The following CRNKL1 variants were observed in gnomAD, a reference collection of about 807,000 sequenced individuals.
CRNKL1 encodes crooked neck-like protein 1.
A neutral mutation model predicts 103.7 loss-of-function variants in CRNKL1; 35 were observed. The ratio of observed to expected loss-of-function variants is 0.34; its 90% CI spans 0.26 to 0.45. The LOEUF (loss-of-function observed/expected upper bound fraction) is 0.45, where lower values mean the gene tolerates loss of function less well. Ranked by LOEUF, CRNKL1 falls within the 20% of genes least tolerant of loss-of-function variation. CRNKL1 has a pLI of 1.00. For missense variants in CRNKL1, 645 were observed against 836.0 expected, an observed-to-expected ratio of 0.77 and a Z score of 2.82; for synonymous variants, 267 against 282.6, an observed-to-expected ratio of 0.94 and a Z score of 0.55.
At chr20:20,039,050 T>A (rs1278205992) in intron 11 of CRNKL1, among the ~76,000 whole-genome samples, 1 of 152,190 alleles carries the variant, frequency 6.6e-6, no homozygotes, top group Non-Finnish European at 1.5e-5. Context: ...AACCATTAAA[T>A]GCAGGGTCAT....
In CRNKL1 at chr20:20,034,696, C is replaced by T. The variant is rs2043391099; in HGVS notation, c.*1499G>A. ...GGCAGACCTCTACTCGAGAAGTGAT[C>T]TGACACCGCAGTAGCTGATGCTCGT... On this transcript the variant is annotated 3_prime_UTR_variant, in exon 14 of 14. Coordinates refer to ENST00000536226, the MANE Select transcript of CRNKL1 (RefSeq NM_001278628.2). 6.6e-6 allele frequency: 1 copy of T among 152,222 alleles called. No homozygotes were observed. Among genetic ancestry groups the T allele is most frequent in the Non-Finnish European group, 1.5e-5 (1 of 68,040 alleles). 9.4% of individuals were successfully genotyped at this position (152,222 alleles called of 1,614,324 possible).
intron 6 of CRNKL1, among the ~76,000 whole-genome samples, chr20:20,045,069 G>T (rs147816465): frequency 2.1e-3 from 322 of 152,164 alleles, no homozygotes; most frequent in African/African-American, 7.5e-3. Context: ...AGACTAAAAG[G>T]CTTAATTTTC....
intron 3 of CRNKL1, 57 bp downstream of exon 3, chr20:20,049,283 T>G: frequency 1.0e-6 from 1 of 982,298 alleles, no homozygotes; most frequent in Admixed American, 2.4e-5. Context: ...CTTTTCTTTT[T>G]GGTATCTGTT....
At chr20:20,041,722 A>AC in intron 8 of CRNKL1, 97 bp from the exon 9 acceptor site, 1 of 824,146 alleles carries the variant, frequency 1.2e-6, no homozygotes, top group Non-Finnish European at 2.0e-6. Flanking sequence ...AAAAATGTAC[A>AC]CCCCCAAAAC....
upstream of CRNKL1, among the ~76,000 whole-genome samples, chr20:20,054,905 A>C (rs1302182275): frequency 1.3e-5 from 2 of 152,206 alleles, no homozygotes; most frequent in Non-Finnish European, 2.9e-5. Flanking sequence ...CCATGCTAAA[A>C]GTAATTAGCC....
chr20:20,054,013 G>GTTTTTTTTTTTTTTTTTT (rs1239349657), upstream of CRNKL1, among the ~76,000 whole-genome samples: 9 of 59,088 alleles, frequency 1.5e-4, no homozygotes, highest in South Asian at 5.8e-4. Flanking sequence ...TTTTTTGTTT[G>GTTTTTTTTTTTTTTTTTT]TTTTTTTTTT....
chr20:20,037,894 C>T (rs900387184), intron 12 of CRNKL1, among the ~76,000 whole-genome samples: 2 of 152,138 alleles, frequency 1.3e-5, no homozygotes, highest in African/African-American at 4.8e-5. Flanking sequence ...CGAGACCATC[C>T]TGGCCAACAG....
At position 20,038,332 on chromosome 20, in the gene CRNKL1, C is replaced by T; in HGVS notation, c.1647+17G>A. On this transcript the variant is annotated intron_variant, in intron 12 of 13. Transcript: ENST00000536226. ...TGATTCAAGCAAAATGAAAGATCAT[C>T]TACAAAGCAAGGATACCTTGACATG... The T allele has an allele frequency of 1.4e-6, 2 of 1,481,450 alleles. No homozygotes were observed. The highest frequency in any genetic ancestry group is 1.8e-6 in the Non-Finnish European group (2 of 1,083,834). 91.8% of individuals were successfully genotyped at this position (1,481,450 alleles called of 1,614,324 possible). A position where few individuals can be genotyped will look rare whatever the true frequency, so the allele number is the denominator to read the frequency against.
At chr20:20,052,119 C>T (rs535860060) in intron 1 of CRNKL1, among the ~76,000 whole-genome samples, 173 bp downstream of exon 1, 1 of 152,226 alleles carries the variant, frequency 6.6e-6, no homozygotes, top group South Asian at 2.1e-4. Flanking sequence ...CAACGCGGGT[C>T]GTGCTCCGCG....
chr20:20,037,030 T>G (rs2043429974), intron 13 of CRNKL1, among the ~76,000 whole-genome samples: 1 of 152,184 alleles, frequency 6.6e-6, no homozygotes, highest in African/African-American at 2.4e-5. Context: ...AGTTCCATCT[T>G]CCTCCACACT....
At chr20:20,050,902 A>C (rs1463955740) in intron 1 of CRNKL1, among the ~76,000 whole-genome samples, 1 of 152,234 alleles carries the variant, frequency 6.6e-6, no homozygotes, top group East Asian at 1.9e-4. Flanking sequence ...TATAATAATA[A>C]ACTTTGAGGC....
rs999385814 is a variant in CRNKL1 at position 20,035,284 on chromosome 20, G to C, written c.*911C>G. 1 of 152,254 alleles carries C rather than the reference G, an allele frequency of 6.6e-6. No homozygotes were observed. Among genetic ancestry groups the C allele is most frequent in the Non-Finnish European group, 1.5e-5 (1 of 68,030 alleles). 9.4% of individuals were successfully genotyped at this position (152,254 alleles called of 1,614,324 possible). A position where few individuals can be genotyped will look rare whatever the true frequency, so the allele number is the denominator to read the frequency against. ...ATAATATGGCAACATTGCTACTGGA[G>C]ATACATAATGTACAGAAGCCTAACT... is the stretch of plus-strand genomic sequence containing the variant. On this transcript the variant is annotated 3_prime_UTR_variant, in exon 14 of 14. Coordinates refer to ENST00000536226, the MANE Select transcript of CRNKL1 (RefSeq NM_001278628.2).
At chr20:20,038,550 CAT>C (rs1329642271) in intron 11 of CRNKL1, 100 bp from the exon 12 acceptor site, 14 of 662,206 alleles carry the variant, frequency 2.1e-5, no homozygotes, top group African/African-American at 1.5e-4. Flanking sequence ...CATCTAGGAA[CAT>C]AGGATTTTTA....
chr20:20,051,865 C>T (rs2146509377), intron 1 of CRNKL1, among the ~76,000 whole-genome samples: 1 of 152,300 alleles, frequency 6.6e-6, no homozygotes, highest in African/African-American at 2.4e-5. Context: ...ATTTCCTCAG[C>T]AAAATTTACT....
Position 20,042,431 on chromosome 20 carries a change from T to C in CRNKL1, c.1058A>G (p.Tyr353Cys), listed in dbSNP as rs750451055. 3.1e-6 allele frequency: 5 copies of C among 1,614,186 alleles called. No individual in the cohort carries two copies. The highest frequency in any genetic ancestry group is 1.1e-5 in the South Asian group (1 of 91,072). ...TGGGACATTGGCAATGGCCCTTTCATAGACTTCTCTCACGGCTTCAGCTTC... is the reference window on the plus strand; with the variant it reads ...TGGGACATTGGCAATGGCCCTTTCACAGACTTCTCTCACGGCTTCAGCTTC... Reference protein sequence around the residue: ...DAEAEAVREVYERAIANVPPI... With the variant: ...DAEAEAVREVCERAIANVPPI... Residue 353 changes from tyrosine (Y) to cysteine (C), a missense_variant, in exon 8 of 14, where the codon TAT becomes TGT. Physicochemically the swap from Tyr to Cys is radical, Grantham distance 194. Coordinates refer to ENST00000536226, the MANE Select transcript of CRNKL1 (RefSeq NM_001278628.2).
chr20:20,041,802 C>A (rs2146490028), intron 8 of CRNKL1, among the ~76,000 whole-genome samples, 177 bp from the exon 9 acceptor site: 1 of 152,334 alleles, frequency 6.6e-6, no homozygotes, highest in East Asian at 1.9e-4. Flanking sequence ...CATGAAACTT[C>A]AGTTTAAGAA....
At chr20:20,048,248 T>A in intron 4 of CRNKL1, 95 bp downstream of exon 4, 1 of 1,380,574 alleles carries the variant, frequency 7.2e-7, no homozygotes, top group Non-Finnish European at 1.0e-6. Flanking sequence ...AAGTAGGATA[T>A]CAAATTAAAC....
chr20:20,052,814 G>T, upstream of CRNKL1: 1 of 1,288,788 alleles, frequency 7.8e-7, no homozygotes, highest in Non-Finnish European at 1.1e-6. Context: ...AGCATGCGAC[G>T]GGGCGAGCTG....
chr20:20,042,351 C>A lies in CRNKL1; in HGVS notation c.1138G>T (p.Ala380Ser). 1 of 1,612,996 alleles carries A rather than the reference C, an allele frequency of 6.2e-7. No individual in the cohort carries two copies. The change falls in exon 8 of 14, where the codon GCA (alanine) becomes TCA (serine). Residue 380 changes from alanine (A) to serine (S), a missense_variant. By Grantham distance (99) the Ala-to-Ser change is moderately conservative (BLOSUM62 1). Coordinates refer to ENST00000536226, the MANE Select transcript of CRNKL1 (RefSeq NM_001278628.2). ...KRYIYLWINY[A>S]LYEELEAKDP... ...TTTGCCTCCAATTCTTCATAGAGTG[C>A]ATAGTTGATCCAAAGATAAATGTAG...
Sources: gnomAD v4.1 joint callset for allele counts (sites outside exome capture counted in the v4.1 genomes callset) on GRCh38, gnomAD v4.1.1 for gene constraint, MANE v1.5 for transcripts, NCBI Gene and HGNC (gene_info 2026-07-23, HGNC 2026-07-21) for gene names.